EIF4G3: variants seen among roughly 807,000 people sequenced by gnomAD.
EIF4G3 encodes eukaryotic translation initiation factor 4 gamma 3, also known as eIF-4-gamma 3.
EIF4G3 carries 34 observed loss-of-function variants against 186.4 expected under a neutral mutation model. That is an observed-to-expected ratio of 0.18 (90% CI 0.14 to 0.24). EIF4G3 has a LOEUF of 0.24. EIF4G3 is among the 10% of genes least tolerant of loss of function. EIF4G3 has a pLI of 1.00. For synonymous variants in EIF4G3, 673 were observed against 679.5 expected, an observed-to-expected ratio of 0.99 and a Z score of 0.15; for missense variants, 1,536 against 1,948.5, an observed-to-expected ratio of 0.79 and a Z score of 3.99.
chr1:21,114,304 G>A (rs2096779352), intron 2 of EIF4G3, among the ~76,000 whole-genome samples: 1 of 151,978 alleles, frequency 6.6e-6, no homozygotes, highest in South Asian at 2.1e-4. Context: ...ATGCCACCAT[G>A]CCCAGCTACT....
chr1:20,878,989 C>T (rs1216045719), intron 20 of EIF4G3, among the ~76,000 whole-genome samples: 1 of 152,122 alleles, frequency 6.6e-6, no homozygotes, highest in Non-Finnish European at 1.5e-5. Flanking sequence ...TGTGAAAGCA[C>T]GCATTTGCTT....
At chr1:20,888,060 G>A (rs908742623) in intron 18 of EIF4G3, among the ~76,000 whole-genome samples, 22 of 152,086 alleles carry the variant, frequency 1.4e-4, no homozygotes, top group South Asian at 6.2e-4. Flanking sequence ...AACCAATTAA[G>A]AGCCATAGAT....
intron 2 of EIF4G3, among the ~76,000 whole-genome samples, chr1:21,129,696 G>A (rs564266321): frequency 2.0e-5 from 3 of 152,086 alleles, no homozygotes; most frequent in South Asian, 4.2e-4. Flanking sequence ...AAAATCTACC[G>A]TTGCCAGGAT....
chr1:21,109,240 T>C (rs975780025), intron 2 of EIF4G3, among the ~76,000 whole-genome samples: 2 of 152,228 alleles, frequency 1.3e-5, no homozygotes, highest in African/African-American at 4.8e-5. Context: ...AAGGGTTTTG[T>C]ACCCTTACTT....
In EIF4G3 at chr1:21,176,303, TGCC is replaced by T. The variant is rs1280098685; in HGVS notation, c.-403_-401del. The T allele has an allele frequency of 4.3e-4, 120 of 276,828 alleles. No homozygotes were observed. Among genetic ancestry groups the T allele is most frequent in the Middle Eastern group, 1.1e-3 (2 of 1,748 alleles). 17.1% of individuals were successfully genotyped at this position (276,828 alleles called of 1,614,324 possible). A position where few individuals can be genotyped will look rare whatever the true frequency, so the allele number is the denominator to read the frequency against. On this transcript the variant is annotated 5_prime_UTR_variant, in exon 2 of 37. Transcript: ENST00000602326. ...CCGGGTGAGGAGGCGGTACCGCTGC[TGCC>T]GCCGCCGCCGCCGCTCCGGTGCCGG...
At chr1:20,929,797 G>A (rs193072746) in intron 14 of EIF4G3, among the ~76,000 whole-genome samples, 2 of 152,142 alleles carry the variant, frequency 1.3e-5, no homozygotes, top group Non-Finnish European at 2.9e-5. Context: ...CAAGGAAAAA[G>A]GGTAAGACTC....
chr1:21,004,363 C>T (rs1480113307), intron 4 of EIF4G3, among the ~76,000 whole-genome samples: 1 of 152,050 alleles, frequency 6.6e-6, no homozygotes, highest in Admixed American at 6.6e-5. Context: ...ATACTGTGTG[C>T]TACTGAATAA....
chr1:21,059,608 T>C (rs1183082006), intron 3 of EIF4G3, among the ~76,000 whole-genome samples: 1 of 152,060 alleles, frequency 6.6e-6, no homozygotes, highest in Non-Finnish European at 1.5e-5. Context: ...CTATACTTAA[T>C]AGGTTGAATT....
intron 2 of EIF4G3, among the ~76,000 whole-genome samples, chr1:21,101,626 AAAGG>A (rs2096529679): frequency 7.4e-6 from 1 of 134,984 alleles, no homozygotes; most frequent in African/African-American, 2.6e-5. Context: ...ACAAAGAAAG[AAAGG>A]AAGGAAGGGA....
At chr1:21,053,586 G>A (rs1466151815) in intron 3 of EIF4G3, among the ~76,000 whole-genome samples, 1 of 146,784 alleles carries the variant, frequency 6.8e-6, no homozygotes, top group African/African-American at 2.5e-5. Flanking sequence ...CTGTCCGGGA[G>A]GGAGGTTGGG....
chr1:21,034,607 C>A (rs1360473357), intron 4 of EIF4G3, among the ~76,000 whole-genome samples: 2 of 152,344 alleles, frequency 1.3e-5, no homozygotes, highest in African/African-American at 4.8e-5. Context: ...ACTCTGTAAA[C>A]TGAAATACTA....
intron 2 of EIF4G3, among the ~76,000 whole-genome samples, chr1:21,097,229 G>A (rs879357215): frequency 6.6e-6 from 1 of 152,094 alleles, no homozygotes; most frequent in Non-Finnish European, 1.5e-5. Flanking sequence ...GGAGTAAAAG[G>A]AGTGAGACTC....
chr1:21,155,057 G>A (rs946646443), intron 2 of EIF4G3, among the ~76,000 whole-genome samples: 2 of 151,962 alleles, frequency 1.3e-5, no homozygotes, highest in African/African-American at 4.8e-5. Flanking sequence ...GAGGTCAGGA[G>A]TTCAAGACCA....
rs185161025 is a variant in EIF4G3, at chr1:20,888,952, C to T, written c.2254-2581G>A. Among the ~76,000 whole-genome samples, 65 of 152,108 alleles carry T rather than the reference C, an allele frequency of 4.3e-4. 1 individual carries two copies. The South Asian group carries it at 0.01, about 24-fold the overall frequency. Reference sequence around the variant, plus strand: ...GAGGTATGGGCTACACAAAAAGAAACGACACCTGGTTTCTTTCTTTGAAAG... The same window carrying T: ...GAGGTATGGGCTACACAAAAAGAAATGACACCTGGTTTCTTTCTTTGAAAG... On this transcript the variant is annotated intron_variant, in intron 18 of 36. Coordinates refer to ENST00000602326, the MANE Select transcript of EIF4G3 (RefSeq NM_001391906.1).
At chr1:20,842,325 C>T (rs935887466) in intron 29 of EIF4G3, among the ~76,000 whole-genome samples, 2 of 152,260 alleles carry the variant, frequency 1.3e-5, no homozygotes, top group South Asian at 2.1e-4. Flanking sequence ...CTTTTCATGA[C>T]ATTGCCATTT....
chr1:21,150,613 G>A (rs1044598350), intron 2 of EIF4G3, among the ~76,000 whole-genome samples: 1 of 152,132 alleles, frequency 6.6e-6, no homozygotes, highest in African/African-American at 2.4e-5. Context: ...GCTGAATGAA[G>A]AGCTCACAGA....
intron 19 of EIF4G3, among the ~76,000 whole-genome samples, chr1:20,882,646 A>C (rs928115440): frequency 1.1e-4 from 16 of 151,926 alleles, no homozygotes; most frequent in Non-Finnish European, 1.2e-4. Context: ...AAAACAAAAA[A>C]AAATTAACAA....
At chr1:21,097,455 A>G (rs1238782257) in intron 2 of EIF4G3, among the ~76,000 whole-genome samples, 1 of 152,216 alleles carries the variant, frequency 6.6e-6, no homozygotes, top group Non-Finnish European at 1.5e-5. Context: ...AGGTATTGCT[A>G]TATGTCACCT....
At chr1:21,073,129 A>C (rs1159774790) in intron 3 of EIF4G3, among the ~76,000 whole-genome samples, 1 of 152,174 alleles carries the variant, frequency 6.6e-6, no homozygotes, top group Non-Finnish European at 1.5e-5. Context: ...TGTAACCTAT[A>C]AACTCCAATT....
Sources: gnomAD v4.1 joint callset for allele counts (sites outside exome capture counted in the v4.1 genomes callset) on GRCh38, gnomAD v4.1.1 for gene constraint, MANE v1.5 for transcripts, NCBI Gene and HGNC (gene_info 2026-07-23, HGNC 2026-07-21) for gene names.